RAD50: variants seen among roughly 807,000 people sequenced by gnomAD.
RAD50 encodes the protein DNA repair protein RAD50.
Under a neutral mutation model 168.8 loss-of-function variants are expected in RAD50, and 132 were observed. The observed-to-expected ratio is 0.78, with a 90% confidence interval of 0.68 to 0.90. The LOEUF (loss-of-function observed/expected upper bound fraction) is 0.90, where lower values mean the gene tolerates loss of function less well. Among genes scored for constraint, RAD50 ranks in the 40% least tolerant of loss-of-function variants. The pLI is 0.00. For missense variants in RAD50, 1,347 were observed against 1,534.4 expected (o/e 0.88, Z 2.04); for synonymous variants, 525 against 497.4 (o/e 1.06, Z -0.74).
chr5:132,640,932 G>T (rs1217199897), intron 24 of RAD50, 127 bp downstream of exon 24: 11 of 1,511,498 alleles, frequency 7.3e-6, no homozygotes, highest in Non-Finnish European at 1.0e-5. Flanking sequence ...CCCACTTCTT[G>T]GGGAAGCCAG....
At chr5:132,628,149 T>C (rs1331943274) in intron 21 of RAD50, among the ~76,000 whole-genome samples, 2 of 152,156 alleles carry the variant, frequency 1.3e-5, no homozygotes, top group Non-Finnish European at 2.9e-5. Context: ...AGCAGAGCTG[T>C]CAAGCAGGCA....
chr5:132,585,278 AC>A (rs1750576913), intron 5 of RAD50, among the ~76,000 whole-genome samples: 2 of 152,126 alleles, frequency 1.3e-5, no homozygotes, highest in Non-Finnish European at 2.9e-5. Flanking sequence ...AGTCCTACCA[AC>A]AATATACCAA....
chr5:132,568,479 T>TA (rs539231376), intron 2 of RAD50, among the ~76,000 whole-genome samples: 37 of 151,814 alleles, frequency 2.4e-4, no homozygotes, highest in Non-Finnish European at 4.0e-4. Context: ...ATAAAAACTA[T>TA]AAAAAAAGAC....
chr5:132,603,068 A>G (rs1487802206), intron 13 of RAD50, among the ~76,000 whole-genome samples: 1 of 152,220 alleles, frequency 6.6e-6, no homozygotes, highest in Non-Finnish European at 1.5e-5. Context: ...TACAAAGACT[A>G]AAACAGTAAC....
chr5:132,608,865 A>T (rs1322302403), intron 17 of RAD50, 140 bp downstream of exon 17: 5 of 1,382,768 alleles, frequency 3.6e-6, no homozygotes, highest in African/African-American at 2.9e-5. Context: ...TAATTTTGAC[A>T]TTAGAAATTC....
At chr5:132,570,730 G>C (rs925029206) in intron 2 of RAD50, among the ~76,000 whole-genome samples, 3 of 152,166 alleles carry the variant, frequency 2.0e-5, no homozygotes, top group African/African-American at 4.8e-5. Flanking sequence ...CAGCAGTAAG[G>C]CTGTTTCACT....
In RAD50 at chr5:132,587,900, G is replaced by C. The variant is rs1750622836; in HGVS notation, c.886-24G>C. ...TATTTTCTTATGTTTGTACATTAAA[G>C]CTTTTTATTTTGGTGTTACACAGGT... On this transcript the variant is annotated intron_variant, in intron 6 of 24. Transcript: ENST00000378823. 2.5e-6 allele frequency: 4 copies of C among 1,608,754 alleles called. No individual in the cohort carries two copies. The East Asian group carries it at 8.9e-5, about 36-fold the overall frequency.
chr5:132,564,681 T>C (rs1364214953), intron 2 of RAD50, among the ~76,000 whole-genome samples: 1 of 152,048 alleles, frequency 6.6e-6, no homozygotes, highest in Non-Finnish European at 1.5e-5. Flanking sequence ...TTTGCATAAG[T>C]AAAGAGGAGC....
intron 5 of RAD50, among the ~76,000 whole-genome samples, chr5:132,581,400 G>T (rs1463126572): frequency 2.0e-5 from 3 of 152,122 alleles, no homozygotes; most frequent in Non-Finnish European, 4.4e-5. Flanking sequence ...GATTACAGGC[G>T]TGAGCCACCG....
chr5:132,640,598 C>T, intron 23 of RAD50, 74 bp from the exon 24 acceptor site: 1 of 1,596,644 alleles, frequency 6.3e-7, no homozygotes, highest in Non-Finnish European at 8.6e-7. Context: ...CTGAAAAGAT[C>T]ATGTCAGGAC....
intron 6 of RAD50, 89 bp from the exon 7 acceptor site, chr5:132,587,835 G>A (rs1750621637): frequency 5.8e-6 from 9 of 1,541,926 alleles, no homozygotes; most frequent in Admixed American, 1.7e-5. Flanking sequence ...GAAGGATATT[G>A]AATAAGGTTT....
chr5:132,642,678 A>G lies in RAD50; in HGVS notation c.*314A>G, dbSNP rs1751755791. ...CAGTGCAAATGCATGCTTCTTCTCA[A>G]AGCACTGTTGAGAAGGAGATAATTA... On this transcript the variant is annotated 3_prime_UTR_variant, in exon 25 of 25. Coordinates refer to ENST00000378823, the MANE Select transcript of RAD50 (RefSeq NM_005732.4). The G allele has an allele frequency of 4.4e-6, 2 of 450,852 alleles. No homozygotes were observed. Among genetic ancestry groups the G allele is most frequent in the African/African-American group, 3.9e-5 (2 of 51,300 alleles). The allele number at this position is 450,852 out of a possible 1,614,324, so 27.9% of individuals were successfully genotyped here.
intron 2 of RAD50, among the ~76,000 whole-genome samples, chr5:132,566,784 C>A (rs1181093505): frequency 1.3e-5 from 2 of 152,214 alleles, no homozygotes; most frequent in Non-Finnish European, 2.9e-5. Context: ...TGATACTCTT[C>A]TTTTCCCTAC....
chr5:132,592,710 C>A, intron 11 of RAD50: 1 of 412,390 alleles, frequency 2.4e-6, no homozygotes. Flanking sequence ...TTTGCTTTGA[C>A]TGGACCACTT....
chr5:132,620,476 G>A (rs1561652126), intron 21 of RAD50, among the ~76,000 whole-genome samples: 1 of 152,000 alleles, frequency 6.6e-6, no homozygotes, highest in Non-Finnish European at 1.5e-5. Context: ...ATTACATATA[G>A]CAGAATTTTC....
rs1234502889 is a variant in RAD50, at chr5:132,603,461, CAG to C, written c.2371_2372del (p.Asp791CysfsTer12). The C allele has an allele frequency of 6.2e-7, 1 of 1,613,888 alleles. No homozygotes were observed. Among genetic ancestry groups the C allele is most frequent in the African/African-American group, 1.3e-5 (1 of 75,036 alleles). ...GAAGAAAGTGCCAAAGTATGCCTGA[CAG>C]ATGTTACAATTATGGAGAGGTTCCA... is the stretch of plus-strand genomic sequence containing the variant. On this transcript the variant is annotated frameshift_variant, in exon 14 of 25. Coordinates refer to ENST00000378823, the MANE Select transcript of RAD50 (RefSeq NM_005732.4). LOFTEE classifies it high-confidence loss of function.
At chr5:132,596,311 A>C (rs974922041) in intron 13 of RAD50, among the ~76,000 whole-genome samples, 2 of 152,150 alleles carry the variant, frequency 1.3e-5, no homozygotes, top group African/African-American at 2.4e-5. Context: ...CTTATTTCTT[A>C]AACTATGAGG....
chr5:132,575,308 C>A (rs2706352), intron 2 of RAD50, among the ~76,000 whole-genome samples: 9,198 of 152,194 alleles, frequency 0.06, 831 homozygotes, highest in African/African-American at 0.2. Context: ...TCTTATAAAA[C>A]CATCAGGTCT....
At chr5:132,625,391 C>CT (rs869199093) in intron 21 of RAD50, among the ~76,000 whole-genome samples, 5 of 151,902 alleles carry the variant, frequency 3.3e-5, no homozygotes, top group African/African-American at 1.2e-4. Context: ...CGGCCGAATT[C>CT]TTTTTTTTAA....
Sources: allele counts gnomAD v4.1 joint callset (sites outside exome capture counted in the v4.1 genomes callset), GRCh38; gene constraint gnomAD v4.1.1; transcripts MANE v1.5; gene names NCBI Gene and HGNC (gene_info 2026-07-23, HGNC 2026-07-21).